MAP3K1: variants seen among roughly 807,000 people sequenced by gnomAD.
The protein encoded by MAP3K1 is MAP/ERK kinase kinase 1.
A neutral mutation model predicts 144.2 loss-of-function variants in MAP3K1; 36 were observed. That is an observed-to-expected ratio of 0.25 (90% CI 0.19 to 0.33). The LOEUF (loss-of-function observed/expected upper bound fraction) is 0.33, where lower values mean the gene tolerates loss of function less well. MAP3K1 is among the 10% of genes least tolerant of loss of function. The pLI, the probability that MAP3K1 is intolerant of heterozygous loss-of-function variation, is 1.00. For missense variants in MAP3K1, 1,650 were observed against 1,881.9 expected (o/e 0.88, Z 2.28); for synonymous variants, 718 against 688.7 (o/e 1.04, Z -0.67).
chr5:56,823,308 AG>A (rs1460141379), intron 1 of MAP3K1, among the ~76,000 whole-genome samples: 2 of 152,048 alleles, frequency 1.3e-5, no homozygotes, highest in African/African-American at 2.4e-5. Context: ...CTTCTTCTAT[AG>A]GGCCCTCACA....
chr5:56,854,468 A>C (rs1479783522), intron 1 of MAP3K1, among the ~76,000 whole-genome samples: 2 of 151,868 alleles, frequency 1.3e-5, no homozygotes, highest in Non-Finnish European at 2.9e-5. Flanking sequence ...AAAAGAAAAA[A>C]ATAATCTCAT....
intron 3 of MAP3K1, among the ~76,000 whole-genome samples, chr5:56,863,460 C>T (rs1288402021): frequency 6.6e-6 from 1 of 152,172 alleles, no homozygotes; most frequent in African/African-American, 2.4e-5. Flanking sequence ...CAAGGTTCAT[C>T]CATGCTATAG....
At chr5:56,893,461 C>A (rs2111975222) in intron 19 of MAP3K1, 70 bp from the exon 20 acceptor site, 1 of 1,473,044 alleles carries the variant, frequency 6.8e-7, no homozygotes, top group South Asian at 1.1e-5. Context: ...GTTATGAGGT[C>A]TATGCACATG....
intron 2 of MAP3K1, among the ~76,000 whole-genome samples, chr5:56,859,065 T>TAA (rs34494768): frequency 3.2e-5 from 4 of 125,582 alleles, no homozygotes; most frequent in Admixed American, 8.2e-5. Flanking sequence ...AAGCCTTAAT[T>TAA]AAAAAAAAAA....
intron 2 of MAP3K1, among the ~76,000 whole-genome samples, chr5:56,859,404 G>A (rs1747434908): frequency 6.6e-6 from 1 of 152,032 alleles, no homozygotes; most frequent in South Asian, 2.1e-4. Context: ...TTGCTTTTGA[G>A]TGTTAAATGA....
chr5:56,818,992 A>G (rs1746071009), intron 1 of MAP3K1, among the ~76,000 whole-genome samples: 1 of 152,196 alleles, frequency 6.6e-6, no homozygotes, highest in Non-Finnish European at 1.5e-5. Flanking sequence ...CTCTTAAAAT[A>G]TTAAGTGGGT....
intron 12 of MAP3K1, 52 bp from the exon 13 acceptor site, chr5:56,881,009 CATTTAATCATGTCTTGTTTTAG>C: frequency 7.7e-7 from 1 of 1,304,150 alleles, no homozygotes. Context: ...GGCCTTACAC[CATTTAATCATGTCTTGTTTTAG>C]ATTTTAATAT....
intron 1 of MAP3K1, among the ~76,000 whole-genome samples, chr5:56,826,418 T>C (rs1418617418): frequency 1.3e-5 from 2 of 152,230 alleles, no homozygotes; most frequent in Non-Finnish European, 2.9e-5. Flanking sequence ...AAGAGATGTT[T>C]GTAAAGCACA....
At chr5:56,821,300 A>G (rs2111747841) in intron 1 of MAP3K1, among the ~76,000 whole-genome samples, 1 of 152,308 alleles carries the variant, frequency 6.6e-6, no homozygotes, top group African/African-American at 2.4e-5. Flanking sequence ...GTAGCATACT[A>G]AGGGGAATTG....
intron 1 of MAP3K1, among the ~76,000 whole-genome samples, chr5:56,825,127 C>T (rs1746273290): frequency 4.6e-5 from 7 of 152,088 alleles, no homozygotes; most frequent in African/African-American, 1.4e-4. Context: ...CCTGCCTCAG[C>T]CTCTTGAGTA....
Position 56,872,810 on chromosome 5 carries a change from T to A in MAP3K1, c.1506-15T>A. 1.9e-6 allele frequency: 3 copies of A among 1,614,138 alleles called. No homozygotes were observed. Among genetic ancestry groups the A allele is most frequent in the South Asian group, 2.2e-5 (2 of 91,088 alleles). On this transcript the variant is annotated splice_polypyrimidine_tract_variant and intron_variant, in intron 8 of 19. Transcript: ENST00000399503. ...TTAATTTTTTTAAAGCAAGTTTTGT[T>A]ATTTTTCATTTTAGCCACGAGTTGT... is the stretch of plus-strand genomic sequence containing the variant.
At chr5:56,887,324 C>T (rs1163527501) in intron 17 of MAP3K1, 54 bp from the exon 18 acceptor site, 5 of 1,585,886 alleles carry the variant, frequency 3.2e-6, no homozygotes, top group Non-Finnish European at 4.3e-6. Flanking sequence ...GGGCTTTTAT[C>T]TGTCCTTATT....
At chr5:56,891,148 A>ACC (rs71926811) in intron 19 of MAP3K1, among the ~76,000 whole-genome samples, 18 of 141,612 alleles carry the variant, frequency 1.3e-4, no homozygotes, top group South Asian at 2.2e-4. Flanking sequence ...ACACACACAC[A>ACC]CCCCCCCCCC....
chr5:56,840,870 GT>G (rs5868031), intron 1 of MAP3K1, among the ~76,000 whole-genome samples: 1,549 of 138,288 alleles, frequency 0.011, 21 homozygotes, highest in African/African-American at 0.027. Flanking sequence ...AATTGTTAAG[GT>G]TTTTTTTTTT....
intron 1 of MAP3K1, among the ~76,000 whole-genome samples, chr5:56,853,641 A>G (rs551260817): frequency 6.6e-6 from 1 of 152,350 alleles, no homozygotes; most frequent in East Asian, 1.9e-4. Context: ...CTGTGAAAGA[A>G]TGGAACTGGG....
rs1217948097 is a variant in MAP3K1, at chr5:56,895,896, G to A, written c.*2216G>A. 4.4e-6 allele frequency: 1 copy of A among 227,080 alleles called. No homozygotes were observed. The highest frequency in any genetic ancestry group is 8.6e-6 in the Non-Finnish European group (1 of 115,974). 14.1% of individuals were successfully genotyped at this position (227,080 alleles called of 1,614,324 possible). A position where few individuals can be genotyped will look rare whatever the true frequency, so the allele number is the denominator to read the frequency against. On this transcript the variant is annotated 3_prime_UTR_variant, in exon 20 of 20. Coordinates refer to ENST00000399503, the MANE Select transcript of MAP3K1 (RefSeq NM_005921.2). ...TCACTTTCACAATGAAATTATATTT[G>A]CTGTGTGACTATGATTCCTAAGATT...
At chr5:56,841,203 A>T (rs562373904) in intron 1 of MAP3K1, among the ~76,000 whole-genome samples, 201 of 25,082 alleles carry the variant, frequency 8.0e-3, no homozygotes, top group African/African-American at 0.013. Flanking sequence ...TTATTGATTT[A>T]AAAAAAAAAA....
chr5:56,860,079 A>T lies in MAP3K1; in HGVS notation c.834+164A>T, dbSNP rs567369330. ...GTTCCTGAGACCCTTTCTGGGGTCT[A>T]TTAGGTCAAAACTAATTTTGTGATA... On this transcript the variant is annotated intron_variant, in intron 3 of 19. Coordinates refer to ENST00000399503, the MANE Select transcript of MAP3K1 (RefSeq NM_005921.2). Among the ~76,000 whole-genome samples, 26 of 152,226 alleles carry T rather than the reference A, an allele frequency of 1.7e-4. No individual in the cohort carries two copies. In the South Asian group the frequency reaches 5.4e-3, roughly 32 times the overall value.
At position 56,882,556 on chromosome 5, in the gene MAP3K1, A is replaced by G. The variant is rs1317303465; in HGVS notation, c.3356A>G (p.Lys1119Arg). The G allele has an allele frequency of 3.1e-6, 5 of 1,614,020 alleles. No individual in the cohort carries two copies. Among genetic ancestry groups the G allele is most frequent in the Non-Finnish European group, 4.2e-6 (5 of 1,180,018 alleles). Residue 1119 changes from lysine to arginine, a missense_variant, in exon 14 of 20, where the codon AAA (lysine) becomes AGA (arginine). Physicochemically the swap from Lys to Arg is conservative, Grantham distance 26 (BLOSUM62 2). Transcript: ENST00000399503. ...ACAGTGTTCACCCCAGTAGAGGAGA[A>G]ATGCAGATTAGATGTCAATACAGAG... The part of the protein sequence containing the change: ...DETVFTPVEE[K>R]CRLDVNTELN...
Sources: allele counts gnomAD v4.1 joint callset (sites outside exome capture counted in the v4.1 genomes callset), GRCh38; gene constraint gnomAD v4.1.1; transcripts MANE v1.5; gene names NCBI Gene and HGNC (gene_info 2026-07-23, HGNC 2026-07-21).